AFTPH: variants seen among roughly 807,000 people sequenced by gnomAD.
AFTPH encodes aftiphilin protein.
A neutral mutation model predicts 72.5 loss-of-function variants in AFTPH; 7 were observed. The ratio of observed to expected loss-of-function variants is 0.10; its 90% CI spans 0.05 to 0.18. AFTPH has a LOEUF of 0.18. Ranked by LOEUF, AFTPH falls within the 10% of genes least tolerant of loss-of-function variation. AFTPH has a pLI of 1.00. For synonymous variants in AFTPH, 337 were observed against 370.1 expected (o/e 0.91, Z 1.03); for missense variants, 979 against 1,060.5 (o/e 0.92, Z 1.07).
At chr2:64,552,041 G>A (rs757847068) in exon 2 of AFTPH, 7 of 1,613,910 alleles carry the variant, frequency 4.3e-6, no homozygotes, top group Non-Finnish European at 5.1e-6. Context: ...TTGCAGTGTT[G>A]GAAACTGTAA....
At position 64,551,570 on chromosome 2, in the gene AFTPH, TG is replaced by T. The variant is rs769041522; in HGVS notation, c.99del (p.Ser35GlnfsTer8). 1 of 1,614,180 alleles carries T rather than the reference TG, an allele frequency of 6.2e-7. No individual in the cohort carries two copies. The highest frequency in any genetic ancestry group is 8.5e-7 in the Non-Finnish European group (1 of 1,180,014). ...ATGATGATGAATTTGGGGAATTTGG[TG>T]GGTTTTCAGAAGTTAGCCCTTCTGG... On this transcript the variant is annotated frameshift_variant, in exon 2 of 9. Transcript: ENST00000238856. LOFTEE classifies it high-confidence loss of function.
At chr2:64,550,649 CAT>C (rs762340749) in intron 1 of AFTPH, among the ~76,000 whole-genome samples, 2 of 149,096 alleles carry the variant, frequency 1.3e-5, no homozygotes, top group African/African-American at 4.9e-5. Context: ...CTAATCCACA[CAT>C]ATAAAATTTT....
intron 1 of AFTPH, among the ~76,000 whole-genome samples, chr2:64,536,055 A>AAT (rs1669866480): frequency 6.6e-6 from 1 of 152,192 alleles, no homozygotes. Flanking sequence ...TAGAATTTAG[A>AAT]ATATAGTGTA....
rs946745995 is a variant in AFTPH at position 64,586,990 on chromosome 2, T to G, written c.2579+1445T>G. ...GGACAGTTCTACTCTTTCCTTCCTT[T>G]GTTTCCCCTGCAGTCTCACTGACCA... On this transcript the variant is annotated intron_variant, in intron 8 of 8. Coordinates refer to ENST00000238856, the Ensembl canonical transcript of AFTPH. Among the ~76,000 whole-genome samples the G allele has an allele frequency of 5.9e-5, 9 of 152,252 alleles. No individual in the cohort carries two copies. In the South Asian group the frequency reaches 6.2e-4, roughly 11 times the overall value.
At chr2:64,568,787 T>C (rs904555191) in intron 3 of AFTPH, among the ~76,000 whole-genome samples, 1 of 152,052 alleles carries the variant, frequency 6.6e-6, no homozygotes, top group Non-Finnish European at 1.5e-5. Flanking sequence ...TTTTTTGTAT[T>C]TTTTAGTAGA....
At chr2:64,539,895 G>A (rs2103851717) in intron 1 of AFTPH, among the ~76,000 whole-genome samples, 1 of 150,884 alleles carries the variant, frequency 6.6e-6, no homozygotes, top group East Asian at 1.9e-4. Flanking sequence ...TGGTGGTGAG[G>A]AGGAGAAGAG....
At chr2:64,573,107 G>A in intron 6 of AFTPH, 39 bp downstream of exon 6, 2 of 1,489,234 alleles carry the variant, frequency 1.3e-6, no homozygotes, top group Non-Finnish European at 9.3e-7. Context: ...GTTTATGCGT[G>A]TATATACACA....
intron 6 of AFTPH, among the ~76,000 whole-genome samples, chr2:64,574,314 G>C (rs1672639306): frequency 6.6e-6 from 1 of 152,108 alleles, no homozygotes; most frequent in African/African-American, 2.4e-5. Context: ...CCCCAGAGGT[G>C]GTCCACTGAA....
At chr2:64,550,796 G>A (rs771455344) in intron 1 of AFTPH, among the ~76,000 whole-genome samples, 2 of 151,194 alleles carry the variant, frequency 1.3e-5, no homozygotes, top group Non-Finnish European at 2.9e-5. Context: ...CAGTTTCCTG[G>A]TTTGACCATG....
At chr2:64,533,655 C>G (rs1278518547) in intron 1 of AFTPH, among the ~76,000 whole-genome samples, 2 of 151,858 alleles carry the variant, frequency 1.3e-5, no homozygotes, top group African/African-American at 2.4e-5. Flanking sequence ...TAAGTCTACC[C>G]CGATTTGCTA....
intron 1 of AFTPH, among the ~76,000 whole-genome samples, chr2:64,526,716 TCA>T (rs1323682671): frequency 6.6e-6 from 1 of 152,234 alleles, no homozygotes; most frequent in Non-Finnish European, 1.5e-5. Context: ...TCAGATATAG[TCA>T]CAAGTTCTTT....
exon 2 of AFTPH, chr2:64,552,952 CAAT>C (rs755151616): frequency 1.9e-6 from 3 of 1,613,986 alleles, no homozygotes; most frequent in South Asian, 2.2e-5. Context: ...CAAGAGGAGA[CAAT>C]ATTAACAAAG....
chr2:64,536,323 C>T (rs1669882326), intron 1 of AFTPH, among the ~76,000 whole-genome samples: 1 of 151,744 alleles, frequency 6.6e-6, no homozygotes, highest in African/African-American at 2.4e-5. Context: ...CCCAGCCCTT[C>T]GGGAGGCCAA....
At chr2:64,533,331 C>G (rs904780705) in intron 1 of AFTPH, among the ~76,000 whole-genome samples, 1 of 152,034 alleles carries the variant, frequency 6.6e-6, no homozygotes. Flanking sequence ...CTCAGGAGGT[C>G]GAGGCTGCAG....
chr2:64,534,742 G>GTT (rs70937351), intron 1 of AFTPH, among the ~76,000 whole-genome samples: 3 of 140,022 alleles, frequency 2.1e-5, no homozygotes, highest in Non-Finnish European at 3.2e-5. Flanking sequence ...CTTTAAGCTT[G>GTT]TTTTTTTTTT....
chr2:64,591,809 C>T, intron 8 of AFTPH, 79 bp from the exon 10 acceptor site: 1 of 1,487,796 alleles, frequency 6.7e-7, no homozygotes, highest in South Asian at 1.2e-5. Flanking sequence ...TAACTGTCTA[C>T]CTTGAGAGTG....
chr2:64,529,633 CTT>C (rs66889509), intron 1 of AFTPH, among the ~76,000 whole-genome samples: 59 of 142,684 alleles, frequency 4.1e-4, no homozygotes, highest in Middle Eastern at 3.6e-3. Flanking sequence ...AAACAAATCA[CTT>C]TTTTTTTTTT....
intron 2 of AFTPH, among the ~76,000 whole-genome samples, chr2:64,555,989 C>CTTTTTTTTTTTTTTTTTTTTTTTT (rs774669104): frequency 3.0e-5 from 4 of 134,102 alleles, no homozygotes; most frequent in African/African-American, 1.2e-4. Context: ...GAATTCCTCA[C>CTTTTTTTTTTTTTTTTTTTTTTTT]TTTTTTTTTT....
At chr2:64,570,746 A>G (rs1672364536) in intron 5 of AFTPH, among the ~76,000 whole-genome samples, 1 of 152,198 alleles carries the variant, frequency 6.6e-6, no homozygotes, top group South Asian at 2.1e-4. Context: ...TTCATTCAGC[A>G]TATTAGGGGC....
Sources: gnomAD v4.1 joint callset for allele counts (sites outside exome capture counted in the v4.1 genomes callset) on GRCh38, gnomAD v4.1.1 for gene constraint, MANE v1.5 for transcripts, NCBI Gene and HGNC (gene_info 2026-07-23, HGNC 2026-07-21) for gene names.